Variants in CYYR1 observed in about 807,000 individuals in gnomAD.
The protein encoded by CYYR1 is cysteine and tyrosine-rich protein 1.
A neutral mutation model predicts 15.2 loss-of-function variants in CYYR1; 14 were observed. The ratio of observed to expected loss-of-function variants is 0.92; its 90% CI spans 0.61 to 1.44. The LOEUF (loss-of-function observed/expected upper bound fraction) is 1.44, where lower values mean the gene tolerates loss of function less well. CYYR1 is among the 40% of genes most tolerant of loss of function. The probability of loss-of-function intolerance (pLI) is 0.00; values close to 1 mark genes in which losing one functional copy is unlikely to be tolerated. For missense variants in CYYR1, 228 were observed against 209.5 expected (o/e 1.09, Z -0.54); for synonymous variants, 80 against 77.4 (o/e 1.03, Z -0.18).
Position 26,562,397 on chromosome 21 carries a change from C to T in CYYR1, c.176+3869G>A, listed in dbSNP as rs76688053. Among the ~76,000 whole-genome samples, 29 of 152,174 alleles carry T rather than the reference C, an allele frequency of 1.9e-4. No homozygotes were observed. The East Asian group carries it at 5.2e-3, about 27-fold the overall frequency. On this transcript the variant is annotated intron_variant, in intron 2 of 3. Transcript: ENST00000652641. ...AGAATGTGTCGGTTCTATATAAAAT[C>T]GGATATCTGATTTCCAGAAAAGTAC...
intron 2 of CYYR1, among the ~76,000 whole-genome samples, chr21:26,556,919 T>C (rs1443541420): frequency 6.6e-6 from 1 of 152,100 alleles, no homozygotes; most frequent in Non-Finnish European, 1.5e-5. Flanking sequence ...CTCTCCAAAA[T>C]ATAGCGTTTA....
intron 2 of CYYR1, among the ~76,000 whole-genome samples, chr21:26,561,732 A>G (rs563208657): frequency 2.0e-5 from 3 of 152,312 alleles, no homozygotes; most frequent in African/African-American, 7.2e-5. Context: ...TCTATTTTTG[A>G]GTTAGGAAAT....
chr21:26,565,035 A>G (rs1416932310), intron 2 of CYYR1, among the ~76,000 whole-genome samples: 1 of 152,218 alleles, frequency 6.6e-6, no homozygotes, highest in Non-Finnish European at 1.5e-5. Context: ...CCATGAAGAA[A>G]AATTCAAACA....
chr21:26,563,400 ACT>A (rs1980381377), intron 2 of CYYR1, among the ~76,000 whole-genome samples: 1 of 151,752 alleles, frequency 6.6e-6, no homozygotes, highest in African/African-American at 2.4e-5. Context: ...GGTGAAAACC[ACT>A]CTCTACTAAA....
intron 2 of CYYR1, among the ~76,000 whole-genome samples, chr21:26,545,014 A>G (rs917774299): frequency 1.3e-5 from 2 of 152,090 alleles, no homozygotes; most frequent in African/African-American, 2.4e-5. Flanking sequence ...TGTAAAGGAT[A>G]ATTTACCTCA....
At chr21:26,502,081 T>C (rs1185878176) in intron 2 of CYYR1, among the ~76,000 whole-genome samples, 1 of 152,186 alleles carries the variant, frequency 6.6e-6, no homozygotes, top group Non-Finnish European at 1.5e-5. Context: ...AAATATTTCA[T>C]TCTAAATTTT....
chr21:26,512,884 T>C (rs2065669727), intron 2 of CYYR1, among the ~76,000 whole-genome samples: 1 of 152,196 alleles, frequency 6.6e-6, no homozygotes, highest in South Asian at 2.1e-4. Context: ...ATAACCTGTG[T>C]GGCTGTATAC....
At chr21:26,520,946 A>T (rs143645223) in intron 2 of CYYR1, among the ~76,000 whole-genome samples, 1,638 of 152,316 alleles carry the variant, frequency 0.011, 27 homozygotes, top group Middle Eastern at 0.017. Context: ...AAAACCAAAC[A>T]CTGCGCGTTC....
In CYYR1 at chr21:26,522,264, T is replaced by C. The variant is rs528877526; in HGVS notation, c.177-41835A>G. Reference sequence around the variant, plus strand: ...ACCTAGTCTTGATCTACTCCATAAATGGGTTTAAGTGGACTTGAAAGTCCC... The same window carrying C: ...ACCTAGTCTTGATCTACTCCATAAACGGGTTTAAGTGGACTTGAAAGTCCC... On this transcript the variant is annotated intron_variant, in intron 2 of 3. Transcript: ENST00000652641. Among the ~76,000 whole-genome samples, 3 of 152,272 alleles carry C rather than the reference T, an allele frequency of 2.0e-5. No homozygotes were observed. The East Asian group carries it at 5.8e-4, about 29-fold the overall frequency.
intron 2 of CYYR1, among the ~76,000 whole-genome samples, chr21:26,525,568 T>G (rs192141658): frequency 1.4e-4 from 21 of 152,354 alleles, no homozygotes; most frequent in Admixed American, 3.9e-4. Flanking sequence ...GATATTTATC[T>G]CATTTTTGAT....
At chr21:26,483,633 T>C (rs2065213394) in intron 2 of CYYR1, among the ~76,000 whole-genome samples, 1 of 152,142 alleles carries the variant, frequency 6.6e-6, no homozygotes, top group Admixed American at 6.6e-5. Context: ...CTCATAAGGA[T>C]ATGAACTTTC....
chr21:26,470,440 T>A (rs2065020064), intron 3 of CYYR1: 1 of 151,902 alleles, frequency 6.6e-6, no homozygotes, highest in South Asian at 2.1e-4. Flanking sequence ...TGGTGGGAGG[T>A]GATTGGATCA....
chr21:26,528,169 C>CT (rs1429762213), intron 2 of CYYR1, among the ~76,000 whole-genome samples: 1 of 152,054 alleles, frequency 6.6e-6, no homozygotes, highest in Non-Finnish European at 1.5e-5. Flanking sequence ...AGCTAAATAT[C>CT]TTTTTTTAGT....
In CYYR1 at chr21:26,468,185, CT is replaced by C. The variant is rs2064990997; in HGVS notation, c.*315del. ...TTTTTTTCCAGGATCAATACTGAAA[CT>C]TTCTTCACCTAGCCCTTAAACAACA... is the stretch of plus-strand genomic sequence containing the variant. On this transcript the variant is annotated 3_prime_UTR_variant, in exon 4 of 4. Transcript: ENST00000652641. 1 of 330,682 alleles carries C rather than the reference CT, an allele frequency of 3.0e-6. No homozygotes were observed. Among genetic ancestry groups the C allele is most frequent in the Non-Finnish European group, 5.8e-6 (1 of 173,052 alleles). 20.5% of individuals were successfully genotyped at this position (330,682 alleles called of 1,614,324 possible).
chr21:26,506,950 G>C (rs1363904132), intron 2 of CYYR1, among the ~76,000 whole-genome samples: 1 of 152,110 alleles, frequency 6.6e-6, no homozygotes, highest in Non-Finnish European at 1.5e-5. Flanking sequence ...TTTCACAGCA[G>C]TACTTATAAG....
At chr21:26,490,864 C>T (rs2065317739) in intron 2 of CYYR1, among the ~76,000 whole-genome samples, 1 of 152,090 alleles carries the variant, frequency 6.6e-6, no homozygotes. Flanking sequence ...GTGCCAGACA[C>T]TCTACTAAGC....
intron 3 of CYYR1, among the ~76,000 whole-genome samples, chr21:26,479,723 GCTAGTCATGAACC>G (rs565482219): frequency 6.4e-4 from 98 of 152,082 alleles, no homozygotes; most frequent in African/African-American, 2.3e-3. Context: ...AGTTGGCCAG[GCTAGTCATGAACC>G]CTTGCCCTCA....
chr21:26,529,632 A>G (rs966605524), intron 2 of CYYR1, among the ~76,000 whole-genome samples: 3 of 152,248 alleles, frequency 2.0e-5, no homozygotes, highest in African/African-American at 7.2e-5. Context: ...CATAGTGCAT[A>G]TAAATGCAGA....
chr21:26,502,957 G>A (rs1210633151), intron 2 of CYYR1, among the ~76,000 whole-genome samples: 3 of 152,048 alleles, frequency 2.0e-5, no homozygotes, highest in African/African-American at 7.2e-5. Context: ...TATAGATGTG[G>A]TCTGAGTGTA....
Sources: gnomAD v4.1 joint callset for allele counts (sites outside exome capture counted in the v4.1 genomes callset) on GRCh38, gnomAD v4.1.1 for gene constraint, MANE v1.5 for transcripts, NCBI Gene and HGNC (gene_info 2026-07-23, HGNC 2026-07-21) for gene names.